The following FBXL7 variants were observed in gnomAD, a reference collection of about 807,000 sequenced individuals.
The protein encoded by FBXL7 is F-box/LRR-repeat protein 7.
FBXL7 carries 12 observed loss-of-function variants against 38.3 expected under a neutral mutation model. The ratio of observed to expected loss-of-function variants is 0.31; its 90% CI spans 0.20 to 0.51. FBXL7 has a LOEUF of 0.51. Among genes scored for constraint, FBXL7 ranks in the 20% least tolerant of loss-of-function variants. The probability of loss-of-function intolerance (pLI) is 0.98; values close to 1 mark genes in which losing one functional copy is unlikely to be tolerated. For synonymous variants in FBXL7, 297 were observed against 300.9 expected (o/e 0.99, Z 0.13); for missense variants, 567 against 676.4 (o/e 0.84, Z 1.79).
chr5:15,760,609 G>A (rs748606786), intron 2 of FBXL7, among the ~76,000 whole-genome samples: 4 of 152,040 alleles, frequency 2.6e-5, no homozygotes, highest in Non-Finnish European at 4.4e-5. Flanking sequence ...AAGGTGAGAT[G>A]TGAAAACTAA....
At chr5:15,803,638 A>T (rs1051624634) in intron 2 of FBXL7, among the ~76,000 whole-genome samples, 4 of 148,750 alleles carry the variant, frequency 2.7e-5, no homozygotes, top group Admixed American at 1.4e-4. Context: ...GTCACATTTC[A>T]TGCAACCCCC....
At chr5:15,631,434 G>T (rs1189437499) in intron 2 of FBXL7, among the ~76,000 whole-genome samples, 6 of 151,960 alleles carry the variant, frequency 3.9e-5, no homozygotes, top group Non-Finnish European at 8.8e-5. Flanking sequence ...GGTGGCTCAC[G>T]CCTGTAATCC....
intron 1 of FBXL7, among the ~76,000 whole-genome samples, chr5:15,572,387 TA>T (rs61523559): frequency 0.42 from 46,351 of 110,566 alleles, 8,370 homozygotes; most frequent in African/African-American, 0.54. Flanking sequence ...TGGTTTCTGC[TA>T]AAAAAAAAAA....
chr5:15,711,413 A>T (rs1041639577), intron 2 of FBXL7, among the ~76,000 whole-genome samples: 1 of 152,206 alleles, frequency 6.6e-6, no homozygotes, highest in African/African-American at 2.4e-5. Context: ...CATAAGTCAT[A>T]TTGGATTAAG....
At chr5:15,575,576 A>G (rs911120297) in intron 1 of FBXL7, among the ~76,000 whole-genome samples, 1 of 152,200 alleles carries the variant, frequency 6.6e-6, no homozygotes, top group Non-Finnish European at 1.5e-5. Flanking sequence ...GCTTCATATT[A>G]TAAGTCTGTG....
chr5:15,733,925 G>A (rs1211414379), intron 2 of FBXL7, among the ~76,000 whole-genome samples: 1 of 152,092 alleles, frequency 6.6e-6, no homozygotes, highest in African/African-American at 2.4e-5. Context: ...TGGCCAACAT[G>A]GTGAAACCCC....
At chr5:15,664,442 A>T (rs1300227106) in intron 2 of FBXL7, among the ~76,000 whole-genome samples, 2 of 142,278 alleles carry the variant, frequency 1.4e-5, no homozygotes, top group Non-Finnish European at 3.1e-5. Flanking sequence ...CCTTGAGAAG[A>T]TTCAAATTTT....
chr5:15,881,908 T>A (rs1339071272), intron 2 of FBXL7, among the ~76,000 whole-genome samples: 3 of 152,190 alleles, frequency 2.0e-5, no homozygotes, highest in African/African-American at 7.2e-5. Context: ...TTCTTCAGGC[T>A]ATATAGGAAG....
chr5:15,581,518 G>A (rs1031391758), intron 1 of FBXL7, among the ~76,000 whole-genome samples: 4 of 152,294 alleles, frequency 2.6e-5, no homozygotes, highest in African/African-American at 4.8e-5. Flanking sequence ...GAAAACAGCC[G>A]TTAGGGTCAA....
intron 2 of FBXL7, among the ~76,000 whole-genome samples, chr5:15,768,079 T>A (rs1294517050): frequency 6.6e-6 from 1 of 152,230 alleles, no homozygotes; most frequent in African/African-American, 2.4e-5. Context: ...CACAGTTTAG[T>A]GTCAGCAGCA....
intron 1 of FBXL7, among the ~76,000 whole-genome samples, chr5:15,542,334 C>CT (rs1200565685): frequency 1.8e-4 from 27 of 152,122 alleles, no homozygotes; most frequent in African/African-American, 5.6e-4. Flanking sequence ...TGAGTATGCA[C>CT]ATATCAAAAT....
At chr5:15,641,169 T>C (rs540530392) in intron 2 of FBXL7, among the ~76,000 whole-genome samples, 17 of 152,348 alleles carry the variant, frequency 1.1e-4, no homozygotes, top group African/African-American at 3.8e-4. Context: ...TTTAGGTTCC[T>C]GGTCAGTGAA....
At position 15,594,511 on chromosome 5, in the gene FBXL7, C is replaced by T. The variant is rs17601401; in HGVS notation, c.38-21472C>T. ...CAGTCTGAATTCCTGATGTGTGTCG[C>T]CCAGGGCTAGAAACAGGAGCATGAC... On this transcript the variant is annotated intron_variant, in intron 1 of 3. Coordinates refer to ENST00000504595, the MANE Select transcript of FBXL7 (RefSeq NM_012304.5). Among the ~76,000 whole-genome samples the T allele has an allele frequency of 5.0e-3, 766 of 152,278 alleles. 3 individuals are homozygous for T. The highest frequency in any genetic ancestry group is 8.7e-3 in the Admixed American group (133 of 15,306).
intron 2 of FBXL7, among the ~76,000 whole-genome samples, chr5:15,865,332 C>T (rs958235359): frequency 2.6e-5 from 4 of 152,174 alleles, no homozygotes; most frequent in Non-Finnish European, 4.4e-5. Flanking sequence ...CATAATGAGA[C>T]TGATTAGATC....
intron 2 of FBXL7, among the ~76,000 whole-genome samples, chr5:15,633,861 A>G (rs991872432): frequency 6.6e-6 from 1 of 151,274 alleles, no homozygotes; most frequent in Non-Finnish European, 1.5e-5. Context: ...GCTCACTACA[A>G]CCTCCAACTC....
chr5:15,760,426 C>CAA (rs74868826), intron 2 of FBXL7, among the ~76,000 whole-genome samples: 3 of 90,302 alleles, frequency 3.3e-5, no homozygotes, highest in African/African-American at 4.3e-5. Context: ...TTTGGAAAAG[C>CAA]AAAAAAAAAA....
intron 2 of FBXL7, among the ~76,000 whole-genome samples, chr5:15,643,751 C>G (rs1741441141): frequency 6.6e-6 from 1 of 152,090 alleles, no homozygotes. Flanking sequence ...TGCCGTGCAG[C>G]TAATGGAAAG....
chr5:15,715,946 C>T (rs1308332408), intron 2 of FBXL7, among the ~76,000 whole-genome samples: 1 of 152,146 alleles, frequency 6.6e-6, no homozygotes, highest in African/African-American at 2.4e-5. Flanking sequence ...AGTATTTGCA[C>T]GTTTGCAAAA....
intron 2 of FBXL7, among the ~76,000 whole-genome samples, chr5:15,726,644 T>G (rs1315325365): frequency 1.3e-5 from 2 of 151,094 alleles, no homozygotes; most frequent in African/African-American, 4.9e-5. Context: ...TGAGCCAAGA[T>G]TGCACCACTA....
Sources: allele counts gnomAD v4.1 joint callset (sites outside exome capture counted in the v4.1 genomes callset), GRCh38; gene constraint gnomAD v4.1.1; transcripts MANE v1.5; gene names NCBI Gene and HGNC (gene_info 2026-07-23, HGNC 2026-07-21).